The following ST6GAL1 variants were observed in gnomAD, a reference collection of about 807,000 sequenced individuals.
ST6GAL1 encodes beta-galactoside alpha-2,6-sialyltransferase 1.
A neutral mutation model predicts 38.0 loss-of-function variants in ST6GAL1; 20 were observed. That is an observed-to-expected ratio of 0.53 (90% CI 0.37 to 0.77). The LOEUF (loss-of-function observed/expected upper bound fraction) is 0.77, where lower values mean the gene tolerates loss of function less well. Among genes scored for constraint, ST6GAL1 ranks in the 30% least tolerant of loss-of-function variants. ST6GAL1 has a pLI of 0.00. For missense variants in ST6GAL1, 432 were observed against 496.4 expected (o/e 0.87, Z 1.23); for synonymous variants, 196 against 188.2 (o/e 1.04, Z -0.34).
chr3:187,040,630 A>T (rs558313559), intron 3 of ST6GAL1, among the ~76,000 whole-genome samples: 15 of 152,336 alleles, frequency 9.8e-5, no homozygotes, highest in Middle Eastern at 3.4e-3. Context: ...ACTACCACGT[A>T]GTAGGCCCTC....
chr3:186,931,196 G>C (rs919686871), intron 1 of ST6GAL1: 6 of 484 alleles, frequency 0.012, no homozygotes, highest in African/African-American at 0.037. Context: ...TGGGTTTACG[G>C]ATCGACAAAT....
intron 2 of ST6GAL1, among the ~76,000 whole-genome samples, chr3:186,973,707 A>G (rs191475096): frequency 3.9e-5 from 6 of 152,196 alleles, no homozygotes; most frequent in Middle Eastern, 6.8e-3. Context: ...TCCCTCTCCT[A>G]ACTCTTTGCC....
intron 2 of ST6GAL1, among the ~76,000 whole-genome samples, chr3:187,010,143 T>C (rs1351332253): frequency 6.6e-6 from 1 of 152,340 alleles, no homozygotes. Flanking sequence ...GACATAAAAC[T>C]GCAGTCTTTG....
chr3:186,987,613 A>G (rs1715995681), intron 2 of ST6GAL1, among the ~76,000 whole-genome samples: 1 of 152,188 alleles, frequency 6.6e-6, no homozygotes, highest in Non-Finnish European at 1.5e-5. Context: ...GAAACCTGAA[A>G]ATGTTTTTTG....
At chr3:187,035,033 TAATAAAC>T (rs1717881221) in intron 2 of ST6GAL1, among the ~76,000 whole-genome samples, 1 of 152,214 alleles carries the variant, frequency 6.6e-6, no homozygotes, top group Non-Finnish European at 1.5e-5. Flanking sequence ...CTTCTGGAAC[TAATAAAC>T]AACTTCAGCA....
intron 5 of ST6GAL1, among the ~76,000 whole-genome samples, chr3:187,067,673 TG>T (rs754106272): frequency 1.6e-3 from 242 of 152,316 alleles, no homozygotes; most frequent in Non-Finnish European, 2.0e-3. Context: ...ACAGGAAGAC[TG>T]AGGGTGACCT....
chr3:187,010,695 C>G (rs1326564361), intron 2 of ST6GAL1, among the ~76,000 whole-genome samples: 8 of 152,120 alleles, frequency 5.3e-5, no homozygotes, highest in African/African-American at 1.9e-4. Context: ...AAGCTGACTC[C>G]CAGCACATCC....
rs181892653 is a variant in ST6GAL1, at chr3:187,035,303, A to G, written c.-182-3439A>G. 1.7e-4 allele frequency among the ~76,000 whole-genome samples: 26 copies of G among 152,374 alleles called. No individual in the cohort carries two copies. In the East Asian group the frequency reaches 3.9e-3, roughly 23 times the overall value. ...TCGTGTTCATGGATTAAAAGAATCA[A>G]TATCATTAAAACAGCCACACTGCCC... On this transcript the variant is annotated intron_variant, in intron 2 of 7. Transcript: ENST00000169298.
At chr3:186,980,603 CA>C (rs34503745) in intron 2 of ST6GAL1, among the ~76,000 whole-genome samples, 41,309 of 92,180 alleles carry the variant, frequency 0.45, 7,594 homozygotes, top group Non-Finnish European at 0.52. Context: ...ACTAAAATTA[CA>C]AAAAAAAAAA....
intron 2 of ST6GAL1, among the ~76,000 whole-genome samples, chr3:186,967,285 G>A (rs1186187894): frequency 6.6e-6 from 1 of 152,188 alleles, no homozygotes; most frequent in Non-Finnish European, 1.5e-5. Flanking sequence ...TCCGCCTCCT[G>A]GGTTCAAGCG....
At chr3:186,966,163 G>A (rs1715106119) in intron 2 of ST6GAL1, among the ~76,000 whole-genome samples, 1 of 152,160 alleles carries the variant, frequency 6.6e-6, no homozygotes, top group African/African-American at 2.4e-5. Flanking sequence ...GCCTCCCAAC[G>A]TGCTGGGATT....
chr3:186,941,572 C>T (rs962212454), intron 1 of ST6GAL1, among the ~76,000 whole-genome samples: 3 of 151,664 alleles, frequency 2.0e-5, no homozygotes, highest in Non-Finnish European at 4.4e-5. Context: ...CTGCTGCAGA[C>T]GGGAGAAGCA....
chr3:187,049,684 G>A (rs946365191), intron 4 of ST6GAL1, among the ~76,000 whole-genome samples: 16 of 152,156 alleles, frequency 1.1e-4, no homozygotes, highest in African/African-American at 3.9e-4. Context: ...CCCCAACTTG[G>A]TAAGTAGTCC....
At chr3:186,933,299 T>C (rs1248316202) in intron 1 of ST6GAL1, among the ~76,000 whole-genome samples, 4 of 152,168 alleles carry the variant, frequency 2.6e-5, no homozygotes, top group Non-Finnish European at 5.9e-5. Context: ...ATTGGGGAAC[T>C]TTTCCGTCTT....
In ST6GAL1 at chr3:187,042,941, A is replaced by C. The variant is rs763884230; in HGVS notation, c.238A>C (p.Ser80Arg). The C allele has an allele frequency of 6.2e-7, 1 of 1,614,230 alleles. No homozygotes were observed. Among genetic ancestry groups the C allele is most frequent in the Middle Eastern group, 1.6e-4 (1 of 6,062 alleles). Residue 80 changes from serine (S) to arginine (R), a missense_variant, in exon 4 of 8, where the codon AGT becomes CGT. Transcript: ENST00000169298. Reference protein sequence around the residue: ...DPHRGRQTLGSLRGLAKAKPE... With the variant: ...DPHRGRQTLGRLRGLAKAKPE... ...CCACAGGGGCCGCCAGACCCTCGGC[A>C]GTCTCAGAGGCCTAGCCAAGGCCAA...
intron 2 of ST6GAL1, among the ~76,000 whole-genome samples, chr3:186,976,276 C>T (rs1327483252): frequency 1.3e-5 from 2 of 152,166 alleles, no homozygotes; most frequent in Non-Finnish European, 2.9e-5. Context: ...TCCCCTCCTC[C>T]GTAAGAATTG....
Position 186,980,688 on chromosome 3 carries a change from T to A in ST6GAL1, c.-183+16762T>A, listed in dbSNP as rs547453918. 7.7e-4 allele frequency among the ~76,000 whole-genome samples: 108 copies of A among 140,774 alleles called. 1 individual carries two copies. In the South Asian group the frequency reaches 0.024, roughly 31 times the overall value. The allele number at this position is 140,774 out of a possible 152,430, so 92.4% of individuals were successfully genotyped here. A position where few individuals can be genotyped will look rare whatever the true frequency, so the allele number is the denominator to read the frequency against. ...TATTAGGGAGGCTGAGGCAGGAAAATCACTTGAACCTGGGAGGTGGAGGTT... is the reference window on the plus strand; with the variant it reads ...TATTAGGGAGGCTGAGGCAGGAAAAACACTTGAACCTGGGAGGTGGAGGTT... On this transcript the variant is annotated intron_variant, in intron 2 of 7. Coordinates refer to ENST00000169298, the MANE Select transcript of ST6GAL1 (RefSeq NM_173216.2).
At chr3:186,967,316 C>T (rs1388313937) in intron 2 of ST6GAL1, among the ~76,000 whole-genome samples, 1 of 152,186 alleles carries the variant, frequency 6.6e-6, no homozygotes, top group African/African-American at 2.4e-5. Context: ...TTCAGCCTCC[C>T]AAGTAGCTGA....
chr3:187,003,299 G>C (rs1296029204), intron 2 of ST6GAL1, among the ~76,000 whole-genome samples: 1 of 152,166 alleles, frequency 6.6e-6, no homozygotes, highest in Non-Finnish European at 1.5e-5. Context: ...TAACCGATTG[G>C]ATAAGGCCCA....
Sources: allele counts gnomAD v4.1 joint callset (sites outside exome capture counted in the v4.1 genomes callset), GRCh38; gene constraint gnomAD v4.1.1; transcripts MANE v1.5; gene names NCBI Gene and HGNC (gene_info 2026-07-23, HGNC 2026-07-21).